Variants in NUBPL observed in about 807,000 individuals in gnomAD.
NUBPL encodes NUBP iron-sulfur cluster assembly factor, mitochondrial, also known as iron-sulfur cluster transfer protein NUBPL.
In NUBPL, 31 loss-of-function variants were observed where a neutral mutation model predicts 45.7. That is an observed-to-expected ratio of 0.68 (90% confidence interval 0.51 to 0.92). The LOEUF (loss-of-function observed/expected upper bound fraction) is 0.92, where lower values mean the gene tolerates loss of function less well. NUBPL is among the 40% of genes least tolerant of loss of function. The probability of loss-of-function intolerance (pLI) is 0.00; values close to 1 mark genes in which losing one functional copy is unlikely to be tolerated. For missense variants in NUBPL, 401 were observed against 398.7 expected (o/e 1.01, Z -0.05); for synonymous variants, 144 against 140.9 (o/e 1.02, Z -0.15).
intron 8 of NUBPL, among the ~76,000 whole-genome samples, chr14:31,835,644 C>T (rs562076498): frequency 6.6e-6 from 1 of 152,264 alleles, no homozygotes; most frequent in East Asian, 1.9e-4. Flanking sequence ...AGTTGCACCT[C>T]ATGGACCCAC....
At chr14:31,587,192 G>A (rs2034017459) in intron 3 of NUBPL, among the ~76,000 whole-genome samples, 1 of 152,142 alleles carries the variant, frequency 6.6e-6, no homozygotes, top group Non-Finnish European at 1.5e-5. Flanking sequence ...TTGCCCGGGT[G>A]GTTCTGATAC....
chr14:31,854,376 A>ATG (rs1353740242), intron 10 of NUBPL, among the ~76,000 whole-genome samples: 1 of 152,306 alleles, frequency 6.6e-6, no homozygotes, highest in East Asian at 1.9e-4. Context: ...TACATATGAT[A>ATG]TGTGTGTGTG....
intron 8 of NUBPL, among the ~76,000 whole-genome samples, chr14:31,831,765 A>G (rs1430141452): frequency 2.6e-5 from 4 of 152,190 alleles, no homozygotes; most frequent in African/African-American, 9.6e-5. Context: ...GTAGAGCCCT[A>G]AACAGTAGGC....
At chr14:31,720,074 G>A (rs2037776318) in intron 6 of NUBPL, among the ~76,000 whole-genome samples, 1 of 152,080 alleles carries the variant, frequency 6.6e-6, no homozygotes, top group African/African-American at 2.4e-5. Context: ...TAGCCAATGT[G>A]GAAAGTGCCT....
chr14:31,704,281 T>A lies in NUBPL; in HGVS notation c.513+30707T>A, dbSNP rs183478646. Among the ~76,000 whole-genome samples the A allele has an allele frequency of 9.2e-5, 14 of 152,302 alleles. No individual in the cohort carries two copies. In the East Asian group the frequency reaches 2.7e-3, roughly 29 times the overall value. On this transcript the variant is annotated intron_variant, in intron 6 of 10. Transcript: ENST00000281081. ...ACTGATGGACATTCTAGGGGTCCCCTTTAGAAGCCTGCCTCTTGGGTATTG... is the reference window on the plus strand; with the variant it reads ...ACTGATGGACATTCTAGGGGTCCCCATTAGAAGCCTGCCTCTTGGGTATTG...
intron 4 of NUBPL, among the ~76,000 whole-genome samples, chr14:31,633,500 A>C (rs545907278): frequency 1.3e-5 from 2 of 152,278 alleles, no homozygotes; most frequent in Admixed American, 6.5e-5. Flanking sequence ...TTAATGATTG[A>C]GATTCAGTCA....
intron 4 of NUBPL, among the ~76,000 whole-genome samples, chr14:31,628,119 AAAG>A (rs1186063332): frequency 6.6e-6 from 1 of 152,196 alleles, no homozygotes; most frequent in Non-Finnish European, 1.5e-5. Context: ...TAGTTGTAAA[AAAG>A]AAGAATATTT....
At position 31,859,774 on chromosome 14, in the gene NUBPL, A is replaced by G. The variant is rs1370982606; in HGVS notation, c.*594A>G. ...TGATGATTCTGGTAATCATGGCAGT[A>G]AGAATAATAGCTAACATTTAACAAG... On this transcript the variant is annotated 3_prime_UTR_variant, in exon 11 of 11. Coordinates refer to ENST00000281081, the MANE Select transcript of NUBPL (RefSeq NM_025152.3). The G allele has an allele frequency of 6.3e-6, 1 of 158,296 alleles. No homozygotes were observed. Among genetic ancestry groups the G allele is most frequent in the Non-Finnish European group, 1.4e-5 (1 of 71,176 alleles). 9.8% of individuals were successfully genotyped at this position (158,296 alleles called of 1,614,324 possible). A position where few individuals can be genotyped will look rare whatever the true frequency, so the allele number is the denominator to read the frequency against.
intron 3 of NUBPL, among the ~76,000 whole-genome samples, chr14:31,572,900 A>G (rs545679411): frequency 4.3e-4 from 66 of 152,248 alleles, no homozygotes; most frequent in Non-Finnish European, 7.6e-4. Context: ...AGACGTTTGT[A>G]ACACAATGGT....
chr14:31,702,386 T>C (rs949285363), intron 6 of NUBPL, among the ~76,000 whole-genome samples: 1 of 152,174 alleles, frequency 6.6e-6, no homozygotes, highest in African/African-American at 2.4e-5. Flanking sequence ...CCTCCAGTCA[T>C]GACCCAAAGC....
chr14:31,613,553 G>A (rs889466020), intron 4 of NUBPL, among the ~76,000 whole-genome samples: 4 of 151,956 alleles, frequency 2.6e-5, no homozygotes, highest in South Asian at 2.1e-4. Context: ...CCAGGTTCCC[G>A]TTCAAGCAAT....
intron 7 of NUBPL, among the ~76,000 whole-genome samples, chr14:31,813,640 A>G (rs1399351144): frequency 1.3e-5 from 2 of 151,672 alleles, no homozygotes; most frequent in African/African-American, 2.4e-5. Flanking sequence ...GCACCCATCA[A>G]CCTGTCATCT....
chr14:31,613,748 G>A (rs1017413758), intron 4 of NUBPL, among the ~76,000 whole-genome samples: 1 of 152,000 alleles, frequency 6.6e-6, no homozygotes, highest in South Asian at 2.1e-4. Context: ...GAGCCACTGC[G>A]CCCGGCCTAA....
intron 10 of NUBPL, among the ~76,000 whole-genome samples, chr14:31,854,535 G>A (rs1043460966): frequency 1.3e-4 from 20 of 152,176 alleles, no homozygotes; most frequent in African/African-American, 4.3e-4. Flanking sequence ...AATAACAGCA[G>A]CTACAGATAT....
At chr14:31,648,318 A>G (rs1443766351) in intron 4 of NUBPL, among the ~76,000 whole-genome samples, 2 of 152,236 alleles carry the variant, frequency 1.3e-5, no homozygotes, top group East Asian at 3.8e-4. Context: ...AAAGCCATGG[A>G]CTGGAAAAAT....
intron 6 of NUBPL, among the ~76,000 whole-genome samples, chr14:31,764,142 G>A (rs2038868858): frequency 2.0e-5 from 3 of 152,062 alleles, no homozygotes; most frequent in Admixed American, 6.6e-5. Flanking sequence ...TCAAACTCTG[G>A]CCTGCATTCT....
chr14:31,846,370 A>T (rs2040452481), intron 8 of NUBPL, 101 bp from the exon 9 acceptor site: 2 of 887,244 alleles, frequency 2.3e-6, no homozygotes, highest in African/African-American at 1.7e-5. Flanking sequence ...AACATTGATG[A>T]GTGCCACTAG....
intron 3 of NUBPL, among the ~76,000 whole-genome samples, chr14:31,572,102 G>A (rs1036334119): frequency 2.0e-5 from 3 of 151,896 alleles, no homozygotes; most frequent in Non-Finnish European, 2.9e-5. Flanking sequence ...TGCTCTTAAC[G>A]TACTTGGTGT....
intron 8 of NUBPL, among the ~76,000 whole-genome samples, chr14:31,828,770 T>C (rs188801430): frequency 6.6e-6 from 1 of 152,326 alleles, no homozygotes; most frequent in Admixed American, 6.5e-5. Context: ...TGTAAACCTG[T>C]ATACCTGTGA....
Sources: allele counts gnomAD v4.1 joint callset (sites outside exome capture counted in the v4.1 genomes callset), GRCh38; gene constraint gnomAD v4.1.1; transcripts MANE v1.5; gene names NCBI Gene and HGNC (gene_info 2026-07-23, HGNC 2026-07-21).